Variants in WDR62 observed in about 807,000 individuals in gnomAD.
The protein encoded by WDR62 is WD repeat domain 62, also known as WD repeat-containing protein 62.
Under a neutral mutation model 160.6 loss-of-function variants are expected in WDR62, and 112 were observed. That is an observed-to-expected ratio of 0.70 (90% CI 0.60 to 0.82). The LOEUF (loss-of-function observed/expected upper bound fraction) is 0.82. Among genes scored for constraint, WDR62 ranks in the 40% least tolerant of loss-of-function variants. The pLI is 0.00. For synonymous variants in WDR62, 792 were observed against 815.1 expected, an observed-to-expected ratio of 0.97 and a Z score of 0.48; for missense variants, 1,819 against 1,983.8, an observed-to-expected ratio of 0.92 and a Z score of 1.58.
chr19:36,092,786 G>A lies in WDR62; in HGVS notation c.2308G>A (p.Asp770Asn). 1 of 1,614,086 alleles carries A rather than the reference G, an allele frequency of 6.2e-7. No homozygotes were observed. The highest frequency in any genetic ancestry group is 8.5e-7 in the Non-Finnish European group (1 of 1,180,000). Residue 770 changes from aspartate (D) to asparagine (N), a missense_variant, in exon 19 of 32, where the codon GAC (aspartate) becomes AAC (asparagine). Physicochemically the swap from Asp to Asn is conservative, Grantham distance 23. Transcript: ENST00000401500. ...CCGGCAGCAGCAGCAGCACACAAAT[G>A]ACAAGAAGCGGAGTGGCCACCCCAG... ...DHRQQQQHTN[D>N]KKRSGHPRQD...
chr19:36,091,092 C>G, intron 16 of WDR62, 108 bp from the exon 17 acceptor site: 2 of 944,548 alleles, frequency 2.1e-6, no homozygotes, highest in Non-Finnish European at 3.4e-6. Flanking sequence ...TCCTGCCCTG[C>G]CAGAGTCCCA....
intron 24 of WDR62, 156 bp from the exon 25 acceptor site, chr19:36,101,508 C>T: frequency 1.3e-6 from 1 of 790,504 alleles, no homozygotes; most frequent in Non-Finnish European, 2.1e-6. Flanking sequence ...CTGCCACCTC[C>T]TTGATGTGGA....
At chr19:36,108,687 C>CAAA (rs1973753880), downstream of WDR62, among the ~76,000 whole-genome samples, 1 of 151,910 alleles carries the variant, frequency 6.6e-6, no homozygotes, top group Admixed American at 6.6e-5. Flanking sequence ...GACTCCACCT[C>CAAA]TACAAAAAAT....
chr19:36,091,203 C>T lies in WDR62; in HGVS notation c.2038C>T (p.His680Tyr). Residue 680 changes from histidine (H) to tyrosine (Y), a missense_variant, in exon 17 of 32, where the codon CAT becomes TAT. His to Tyr is a moderately conservative substitution (Grantham distance 83). This residue lies in a region of WDR62 where 934 missense variants were observed against 1,157.2 expected (regional missense o/e 0.81). Transcript: ENST00000401500. ...ATGTGGGTCCCTTTCCTGGCAGGTC[C>T]ATGTGGACCCCTCAGGCACCTTCCT... ...QGDEGSLLKV[H>Y]VDPSGTFLAT... 1 of 1,612,310 alleles carries T rather than the reference C, an allele frequency of 6.2e-7. No individual in the cohort carries two copies. The highest frequency in any genetic ancestry group is 1.1e-5 in the South Asian group (1 of 90,988).
chr19:36,104,490 C>G (rs746723477), intron 30 of WDR62, 28 bp from the exon 31 acceptor site: 2 of 1,612,416 alleles, frequency 1.2e-6, no homozygotes, highest in Non-Finnish European at 1.7e-6. Flanking sequence ...TGCAGCTCAT[C>G]TTGCTCATTC....
intron 20 of WDR62, among the ~76,000 whole-genome samples, chr19:36,095,877 C>T (rs1407246334): frequency 6.6e-6 from 1 of 152,240 alleles, no homozygotes; most frequent in Non-Finnish European, 1.5e-5. Flanking sequence ...AGTCTCTCAT[C>T]TACCTGTATG....
intron 9 of WDR62, among the ~76,000 whole-genome samples, chr19:36,080,043 GTCTT>G (rs1420697953): frequency 1.3e-5 from 2 of 151,838 alleles, no homozygotes; most frequent in African/African-American, 4.8e-5. Context: ...CTTTAGTTTT[GTCTT>G]TCAGTTCACT....
intron 9 of WDR62, among the ~76,000 whole-genome samples, chr19:36,078,352 T>G (rs766647684): frequency 2.6e-5 from 4 of 151,572 alleles, no homozygotes; most frequent in African/African-American, 4.8e-5. Flanking sequence ...TTCGCCGTGT[T>G]GGCCAGGTTG....
chr19:36,063,143 C>G (rs905411269), intron 3 of WDR62, among the ~76,000 whole-genome samples: 1 of 152,160 alleles, frequency 6.6e-6, no homozygotes, highest in African/African-American at 2.4e-5. Flanking sequence ...TGGGGTTTCC[C>G]CATGTTGGCC....
intron 11 of WDR62, among the ~76,000 whole-genome samples, 180 bp downstream of exon 11, chr19:36,083,421 G>T (rs1972021732): frequency 6.6e-6 from 1 of 152,212 alleles, no homozygotes; most frequent in South Asian, 2.1e-4. Context: ...GCTTCCAGAA[G>T]GGCTGAGAGC....
chr19:36,082,548 C>T (rs1025379215), intron 10 of WDR62, among the ~76,000 whole-genome samples: 3 of 152,198 alleles, frequency 2.0e-5, no homozygotes, highest in African/African-American at 7.2e-5. Context: ...TCCCCTCATT[C>T]CCTACCCAGT....
chr19:36,079,189 C>T (rs776689318), intron 9 of WDR62, among the ~76,000 whole-genome samples: 5 of 152,154 alleles, frequency 3.3e-5, no homozygotes, highest in Non-Finnish European at 7.3e-5. Context: ...ACAAGCAGTT[C>T]TCCTGCCTCA....
At position 36,057,542 on chromosome 19, in the gene WDR62, T is replaced by C. The variant is rs1970432220; in HGVS notation, c.178-1238T>C. Among the ~76,000 whole-genome samples, 6 of 149,992 alleles carry C rather than the reference T, an allele frequency of 4.0e-5. No homozygotes were observed. The South Asian group carries it at 1.3e-3, about 31-fold the overall frequency. On this transcript the variant is annotated intron_variant, in intron 1 of 31. Transcript: ENST00000401500. ...GTTCCTTTTTTTTTTTGAGACAGAGTCTCACTCTGTCGCCCAGGATGGAGT... is the reference window on the plus strand; with the variant it reads ...GTTCCTTTTTTTTTTTGAGACAGAGCCTCACTCTGTCGCCCAGGATGGAGT...
At position 36,093,191 on chromosome 19, in the gene WDR62, G is replaced by A. The variant is rs542988749; in HGVS notation, c.2333+380G>A. ...AGTGTTTGGCGAGCCTCTCAGCACTGTGATGGGGGATGCCCCAAGCGGCTG... is the reference window on the plus strand; with the variant it reads ...AGTGTTTGGCGAGCCTCTCAGCACTATGATGGGGGATGCCCCAAGCGGCTG... On this transcript the variant is annotated intron_variant, in intron 19 of 31. Transcript: ENST00000401500. Among the ~76,000 whole-genome samples, 25 of 152,256 alleles carry A rather than the reference G, an allele frequency of 1.6e-4. No homozygotes were observed. The East Asian group carries it at 3.7e-3, about 22-fold the overall frequency.
chr19:36,073,313 G>GTGAT (rs1201984781), intron 8 of WDR62, 29 bp from the exon 9 acceptor site: 9 of 1,612,436 alleles, frequency 5.6e-6, no homozygotes, highest in Non-Finnish European at 7.6e-6. Context: ...GACATTGATG[G>GTGAT]TGATTGATTA....
chr19:36,068,427 G>A (rs543164744), intron 7 of WDR62, among the ~76,000 whole-genome samples: 25 of 152,138 alleles, frequency 1.6e-4, no homozygotes, highest in African/African-American at 6.0e-4. Flanking sequence ...CAGGGTCTTA[G>A]GACAATAGTG....
intron 7 of WDR62, among the ~76,000 whole-genome samples, chr19:36,069,505 G>T (rs1440811260): frequency 6.6e-6 from 1 of 151,904 alleles, no homozygotes; most frequent in Non-Finnish European, 1.5e-5. Context: ...TCACTTCCCA[G>T]ATTGGGCAGC....
Position 36,104,628 on chromosome 19 carries a change from C to G in WDR62, c.4264C>G (p.His1422Asp), listed in dbSNP as rs1001365242. 1 of 1,614,120 alleles carries G rather than the reference C, an allele frequency of 6.2e-7. No homozygotes were observed. The highest frequency in any genetic ancestry group is 2.2e-5 in the East Asian group (1 of 44,884). Residue 1422 changes from histidine (H) to aspartate (D), a missense_variant, in exon 31 of 32, where the codon CAC becomes GAC. This residue lies in a region of WDR62 where 770 missense variants were observed against 734.2 expected (regional missense o/e 1.05). Coordinates refer to ENST00000401500, the MANE Select transcript of WDR62 (RefSeq NM_001083961.2). ...GCTGAGCAGGGTGGGGAACATCTTGCACAGGCTGCAGACCACCTTCCAAGA... is the reference window on the plus strand; with the variant it reads ...GCTGAGCAGGGTGGGGAACATCTTGGACAGGCTGCAGACCACCTTCCAAGA... ...LELSRVGNIL[H>D]RLQTTFQEAL...
chr19:36,059,639 C>T (rs1384278069), intron 2 of WDR62, among the ~76,000 whole-genome samples: 14 of 152,056 alleles, frequency 9.2e-5, no homozygotes, highest in East Asian at 1.9e-4. Context: ...CTCACTCTGT[C>T]GCCCAGGCTG....
Sources: allele counts gnomAD v4.1 joint callset (sites outside exome capture counted in the v4.1 genomes callset), GRCh38; gene constraint gnomAD v4.1.1; regional missense constraint gnomAD v4.1.1; transcripts MANE v1.5; gene names NCBI Gene and HGNC (gene_info 2026-07-23, HGNC 2026-07-21).